PDE1A: variants seen among roughly 807,000 people sequenced by gnomAD.
PDE1A encodes phosphodiesterase 1A.
In PDE1A, 35 loss-of-function variants were observed where a neutral mutation model predicts 61.7. The observed-to-expected ratio is 0.57, with a 90% CI of 0.43 to 0.75. PDE1A has a LOEUF of 0.75. Ranked by LOEUF, PDE1A falls within the 30% of genes least tolerant of loss-of-function variation. PDE1A has a pLI of 0.00. For missense variants in PDE1A, 597 were observed against 630.6 expected (o/e 0.95, Z 0.57); for synonymous variants, 232 against 213.2 (o/e 1.09, Z -0.77).
At chr2:182,152,412 C>CTTTTTTT (rs559392112) in intron 13 of PDE1A, among the ~76,000 whole-genome samples, 10 of 75,290 alleles carry the variant, frequency 1.3e-4, no homozygotes, top group Non-Finnish European at 1.9e-4. Flanking sequence ...TTTTTTTCCT[C>CTTTTTTT]TTTTTTTTTT....
At chr2:182,627,322 ATATATATAAATT>A in the PDE1A span, among the ~76,000 whole-genome samples, 2 of 111,798 alleles carry the variant, frequency 1.8e-5, no homozygotes, top group African/African-American at 3.6e-5. Context: ...TATATATATT[ATATATATAAATT>A]TATATATAAT....
chr2:182,690,375 A>G, the PDE1A span, among the ~76,000 whole-genome samples: 2 of 152,262 alleles, frequency 1.3e-5, no homozygotes, highest in African/African-American at 4.8e-5. Context: ...CTGGTTCAAC[A>G]TACGCAAATC....
intron 1 of PDE1A, among the ~76,000 whole-genome samples, chr2:182,283,262 T>C (rs1292811374): frequency 6.6e-6 from 1 of 152,058 alleles, no homozygotes; most frequent in Non-Finnish European, 1.5e-5. Flanking sequence ...CTATATGTTA[T>C]GATAAAGTGA....
Position 182,288,901 on chromosome 2 carries a change from T to C in PDE1A, c.54-24487A>G, listed in dbSNP as rs183741107. Among the ~76,000 whole-genome samples the C allele has an allele frequency of 2.0e-5, 3 of 152,204 alleles. No homozygotes were observed. In the East Asian group the frequency reaches 5.8e-4, roughly 30 times the overall value. On this transcript the variant is annotated intron_variant, in intron 1 of 13. Coordinates refer to ENST00000351439, the Ensembl canonical transcript of PDE1A. Reference sequence around the variant, plus strand: ...TCAGATTTTGAAAGACTTTTAAAAATAGTAATCTGGTTTAAGATTTTTCTT... The same window carrying C: ...TCAGATTTTGAAAGACTTTTAAAAACAGTAATCTGGTTTAAGATTTTTCTT...
At chr2:182,516,702 G>GAGGAAGGAAGGAAGGAGGGA (rs1690183009) in intron 2 of PDE1A, among the ~76,000 whole-genome samples, 1 of 116,764 alleles carries the variant, frequency 8.6e-6, no homozygotes, top group African/African-American at 3.4e-5. Context: ...GGGAGGAAGG[G>GAGGAAGGAAGGAAGGAGGGA]AGGAAGGAAG....
At chr2:182,182,687 C>T (rs947296823) in intron 13 of PDE1A, among the ~76,000 whole-genome samples, 4 of 152,156 alleles carry the variant, frequency 2.6e-5, no homozygotes, top group East Asian at 1.9e-4. Context: ...ATTATTCCCA[C>T]TTGTCCAATT....
the PDE1A span, among the ~76,000 whole-genome samples, chr2:182,532,424 A>T: frequency 6.6e-6 from 1 of 152,208 alleles, no homozygotes; most frequent in South Asian, 2.1e-4. Context: ...AAAAAGCCAG[A>T]CACAAGAGAT....
At chr2:182,355,590 T>C (rs965192460) in intron 1 of PDE1A, among the ~76,000 whole-genome samples, 2 of 152,048 alleles carry the variant, frequency 1.3e-5, no homozygotes, top group Admixed American at 1.3e-4. Context: ...GAGTGTGCCA[T>C]ATCTCATCAT....
intron 2 of PDE1A, among the ~76,000 whole-genome samples, chr2:182,448,100 C>T (rs150263228): frequency 2.4e-3 from 365 of 152,238 alleles, no homozygotes; most frequent in African/African-American, 8.3e-3. Flanking sequence ...TTTAGTGCTA[C>T]AGGATAGGCT....
chr2:182,655,219 C>A, the PDE1A span, among the ~76,000 whole-genome samples: 1 of 152,130 alleles, frequency 6.6e-6, no homozygotes, highest in Non-Finnish European at 1.5e-5. Context: ...TCTAGTCTCC[C>A]ATAATAAATC....
chr2:182,672,460 G>T, the PDE1A span, among the ~76,000 whole-genome samples: 1 of 152,084 alleles, frequency 6.6e-6, no homozygotes, highest in Non-Finnish European at 1.5e-5. Context: ...CACACAAAAG[G>T]TTACTGACAT....
intron 1 of PDE1A, among the ~76,000 whole-genome samples, chr2:182,414,203 T>C (rs1379790931): frequency 1.3e-5 from 2 of 151,992 alleles, no homozygotes; most frequent in Non-Finnish European, 2.9e-5. Flanking sequence ...TGAAGATAAA[T>C]GAATGGAAGG....
intron 2 of PDE1A, among the ~76,000 whole-genome samples, chr2:182,489,618 G>C (rs557229644): frequency 1.3e-5 from 2 of 152,206 alleles, no homozygotes; most frequent in Non-Finnish European, 2.9e-5. Flanking sequence ...CTGATGAATT[G>C]GATGTGGCTG....
At chr2:182,697,582 G>T in the PDE1A span, among the ~76,000 whole-genome samples, 9 of 152,224 alleles carry the variant, frequency 5.9e-5, no homozygotes, top group Admixed American at 1.3e-4. Context: ...CACGCTGCCA[G>T]GTGGACAGGT....
chr2:182,268,388 C>G (rs1209431553), intron 1 of PDE1A, among the ~76,000 whole-genome samples: 1 of 151,920 alleles, frequency 6.6e-6, no homozygotes, highest in Non-Finnish European at 1.5e-5. Context: ...GATATTAGTA[C>G]ATATATAAGA....
At chr2:182,363,110 G>C (rs181537468) in intron 1 of PDE1A, among the ~76,000 whole-genome samples, 1 of 151,888 alleles carries the variant, frequency 6.6e-6, no homozygotes, top group East Asian at 1.9e-4. Flanking sequence ...TAACTAAAGG[G>C]TACTAGGCTT....
chr2:182,697,972 T>A, the PDE1A span, among the ~76,000 whole-genome samples: 1 of 152,176 alleles, frequency 6.6e-6, no homozygotes, highest in Admixed American at 6.5e-5. Flanking sequence ...TGGAGCCAAA[T>A]AGGCACTCAA....
At chr2:182,211,215 G>C (rs1473060905) in intron 7 of PDE1A, among the ~76,000 whole-genome samples, 1 of 152,162 alleles carries the variant, frequency 6.6e-6, no homozygotes, top group Non-Finnish European at 1.5e-5. Flanking sequence ...ATTCTTCTTT[G>C]CTTTTTGCTT....
At chr2:182,558,105 A>G in the PDE1A span, among the ~76,000 whole-genome samples, 3 of 152,124 alleles carry the variant, frequency 2.0e-5, no homozygotes, top group Non-Finnish European at 4.4e-5. Context: ...TTTATCATTG[A>G]TGTATATCAT....
Sources: allele counts gnomAD v4.1 joint callset (sites outside exome capture counted in the v4.1 genomes callset), GRCh38; gene constraint gnomAD v4.1.1; transcripts MANE v1.5; gene names NCBI Gene and HGNC (gene_info 2026-07-23, HGNC 2026-07-21).